ASTN2: variants seen among roughly 807,000 people sequenced by gnomAD.
The protein encoded by ASTN2 is astrotactin 2.
A neutral mutation model predicts 139.8 loss-of-function variants in ASTN2; 54 were observed. The ratio of observed to expected loss-of-function variants is 0.39; its 90% CI spans 0.31 to 0.48. ASTN2 has a LOEUF of 0.48. Among genes scored for constraint, ASTN2 ranks in the 20% least tolerant of loss-of-function variants. The probability of loss-of-function intolerance (pLI) is 0.95; values close to 1 mark genes in which losing one functional copy is unlikely to be tolerated. For synonymous variants in ASTN2, 756 were observed against 719.5 expected (o/e 1.05, Z -0.81); for missense variants, 1,565 against 1,725.1 (o/e 0.91, Z 1.64).
chr9:117,168,872 T>C (rs576253733), intron 3 of ASTN2, among the ~76,000 whole-genome samples: 1 of 152,182 alleles, frequency 6.6e-6, no homozygotes, highest in Non-Finnish European at 1.5e-5. Flanking sequence ...CTAAGACTTA[T>C]AAATTGAACC....
intron 16 of ASTN2, among the ~76,000 whole-genome samples, chr9:116,695,673 G>A (rs150289087): frequency 3.9e-4 from 59 of 152,252 alleles, no homozygotes; most frequent in African/African-American, 1.4e-3. Flanking sequence ...TAGGATTTGC[G>A]TTTATGAAAT....
intron 11 of ASTN2, among the ~76,000 whole-genome samples, chr9:116,835,985 A>G (rs1468848522): frequency 6.6e-6 from 1 of 152,138 alleles, no homozygotes; most frequent in East Asian, 1.9e-4. Context: ...TCTGGCTTCT[A>G]CTGACACTCA....
intron 13 of ASTN2, among the ~76,000 whole-genome samples, chr9:116,803,912 C>T (rs928970407): frequency 1.3e-5 from 2 of 151,742 alleles, no homozygotes; most frequent in Non-Finnish European, 2.9e-5. Flanking sequence ...GTGATCCTCC[C>T]ACCTAGGCCT....
At chr9:116,997,568 G>A (rs1929007) in intron 7 of ASTN2, among the ~76,000 whole-genome samples, 94,329 of 151,858 alleles carry the variant, frequency 0.62, 33,865 homozygotes, top group Non-Finnish European at 0.79. Context: ...ATCAAAGGGG[G>A]AATCCCAGAA....
intron 19 of ASTN2, among the ~76,000 whole-genome samples, chr9:116,577,529 C>T (rs550969358): frequency 6.9e-4 from 99 of 143,846 alleles, no homozygotes; most frequent in African/African-American, 2.6e-3. Context: ...GAAACTGTGT[C>T]TCAAAAAAAA....
chr9:116,877,951 G>GA (rs1228746416), intron 10 of ASTN2, among the ~76,000 whole-genome samples: 1 of 152,048 alleles, frequency 6.6e-6, no homozygotes, highest in Non-Finnish European at 1.5e-5. Context: ...ACAAACATAT[G>GA]AAAAAAAGCT....
intron 16 of ASTN2, among the ~76,000 whole-genome samples, chr9:116,675,601 G>A (rs1038434766): frequency 2.6e-5 from 4 of 152,184 alleles, no homozygotes; most frequent in Non-Finnish European, 5.9e-5. Context: ...GGATACTCTT[G>A]GAGTTCTTGA....
At chr9:117,119,963 C>T (rs10983535) in intron 4 of ASTN2, among the ~76,000 whole-genome samples, 51,226 of 137,148 alleles carry the variant, frequency 0.37, 9,978 homozygotes, top group Non-Finnish European at 0.44. Flanking sequence ...GAAAGGAAAT[C>T]ATATATAGAT....
intron 10 of ASTN2, among the ~76,000 whole-genome samples, chr9:116,885,214 G>A (rs1307086171): frequency 1.3e-5 from 2 of 152,108 alleles, no homozygotes; most frequent in African/African-American, 4.8e-5. Context: ...TAGAAGAGAA[G>A]ACTGGAAATG....
intron 16 of ASTN2, among the ~76,000 whole-genome samples, chr9:116,656,931 T>A (rs1258026392): frequency 6.6e-6 from 1 of 152,198 alleles, no homozygotes; most frequent in Non-Finnish European, 1.5e-5. Flanking sequence ...CTTGAAGCAT[T>A]TAAAAGCTCC....
intron 2 of ASTN2, among the ~76,000 whole-genome samples, chr9:117,272,870 C>T (rs1564119216): frequency 6.6e-6 from 1 of 152,176 alleles, no homozygotes; most frequent in South Asian, 2.1e-4. Context: ...CTAGGAAGTT[C>T]CAAACTTTCC....
intron 5 of ASTN2, among the ~76,000 whole-genome samples, chr9:117,058,810 G>T (rs1839147316): frequency 6.6e-6 from 1 of 152,196 alleles, no homozygotes; most frequent in Non-Finnish European, 1.5e-5. Context: ...AGGGGGACAT[G>T]AGTGAGTATA....
intron 4 of ASTN2, among the ~76,000 whole-genome samples, chr9:117,139,079 A>G (rs1473783657): frequency 6.6e-6 from 1 of 152,224 alleles, no homozygotes; most frequent in Non-Finnish European, 1.5e-5. Context: ...CTTGGAGTCA[A>G]GAGTGTTTAT....
chr9:116,958,046 T>G (rs1219044192), intron 10 of ASTN2, among the ~76,000 whole-genome samples: 2 of 152,238 alleles, frequency 1.3e-5, no homozygotes, highest in African/African-American at 4.8e-5. Context: ...TCAGTGCATA[T>G]CAGGAAGCAT....
intron 16 of ASTN2, among the ~76,000 whole-genome samples, chr9:116,720,454 T>C (rs1564231069): frequency 6.6e-6 from 1 of 152,138 alleles, no homozygotes; most frequent in Non-Finnish European, 1.5e-5. Context: ...TGCATAGCAT[T>C]CTTTCACTTC....
At chr9:116,508,473 TGTGTGA>T (rs1411645772) in intron 19 of ASTN2, among the ~76,000 whole-genome samples, 1 of 151,976 alleles carries the variant, frequency 6.6e-6, no homozygotes, top group Non-Finnish European at 1.5e-5. Context: ...GGTAGAAGTG[TGTGTGA>T]GTGTGAGTGT....
chr9:116,697,682 G>A (rs1860934819), intron 16 of ASTN2: 1 of 1,604,676 alleles, frequency 6.2e-7, no homozygotes, highest in Non-Finnish European at 8.5e-7. Flanking sequence ...ACCCTCTAGG[G>A]CATGAATACT....
At chr9:117,384,529 AT>A (rs1230056379) in intron 1 of ASTN2, among the ~76,000 whole-genome samples, 1 of 152,140 alleles carries the variant, frequency 6.6e-6, no homozygotes, top group Non-Finnish European at 1.5e-5. Flanking sequence ...AAACTGAGTA[AT>A]CTATTTCAGC....
intron 22 of ASTN2, among the ~76,000 whole-genome samples, chr9:116,439,480 G>A (rs963989504): frequency 6.6e-6 from 1 of 151,844 alleles, no homozygotes; most frequent in Non-Finnish European, 1.5e-5. Flanking sequence ...GATTACAGGC[G>A]TGAGCCACCG....
Sources: gnomAD v4.1 joint callset for allele counts (sites outside exome capture counted in the v4.1 genomes callset) on GRCh38, gnomAD v4.1.1 for gene constraint, MANE v1.5 for transcripts, NCBI Gene and HGNC (gene_info 2026-07-23, HGNC 2026-07-21) for gene names.